Variants in PLCH2 observed in about 807,000 individuals in gnomAD.
The protein encoded by PLCH2 is 1-phosphatidylinositol 4,5-bisphosphate phosphodiesterase eta-2.
Under a neutral mutation model 134.7 loss-of-function variants are expected in PLCH2, and 98 were observed. The observed-to-expected ratio is 0.73, with a 90% CI of 0.62 to 0.86. PLCH2 has a LOEUF of 0.86. PLCH2 is among the 40% of genes least tolerant of loss of function. PLCH2 has a pLI of 0.00. For missense variants in PLCH2, 1,994 were observed against 1,986.6 expected, an observed-to-expected ratio of 1.00 and a Z score of -0.07; for synonymous variants, 974 against 827.5, an observed-to-expected ratio of 1.18 and a Z score of -3.04.
intron 21 of PLCH2, chr1:2,503,160 G>T (rs577928989): frequency 1.6e-4 from 100 of 636,508 alleles, no homozygotes; most frequent in Non-Finnish European, 4.3e-5. Context: ...AGGCTGGGAA[G>T]AACCAGCTGC....
chr1:2,469,581 G>T (rs1362782105), intron 1 of PLCH2, among the ~76,000 whole-genome samples: 1 of 152,118 alleles, frequency 6.6e-6, no homozygotes, highest in Non-Finnish European at 1.5e-5. Context: ...GGGCAGGTGT[G>T]TGTGGGGTGC....
chr1:2,482,743 A>G (rs1642042488), intron 4 of PLCH2, among the ~76,000 whole-genome samples: 1 of 152,148 alleles, frequency 6.6e-6, no homozygotes, highest in Admixed American at 6.5e-5. Flanking sequence ...TGGCCACCCC[A>G]GATCGTGGCC....
intron 2 of PLCH2, among the ~76,000 whole-genome samples, chr1:2,457,703 C>T (rs984166340): frequency 1.4e-4 from 21 of 152,094 alleles, no homozygotes; most frequent in African/African-American, 5.1e-4. Context: ...GTCACAAGTT[C>T]CCCAAAGGCG....
intron 2 of PLCH2, among the ~76,000 whole-genome samples, chr1:2,437,700 G>A (rs375130485): frequency 2.4e-4 from 37 of 152,242 alleles, no homozygotes; most frequent in African/African-American, 7.5e-4. Context: ...ACGCACACAC[G>A]AAGGCACACA....
rs1310054471 is a variant in PLCH2, at chr1:2,505,382, A to G, written c.*169A>G. ...CCCCTGCTCCCGGGGAGGAAAGGCTAAAGCTGCTGGCCCGGGGCCCACAGG... is the reference window on the plus strand; with the variant it reads ...CCCCTGCTCCCGGGGAGGAAAGGCTGAAGCTGCTGGCCCGGGGCCCACAGG... On this transcript the variant is annotated 3_prime_UTR_variant, in exon 22 of 22. Coordinates refer to ENST00000378486, the MANE Select transcript of PLCH2 (RefSeq NM_014638.4). 1 of 600,064 alleles carries G rather than the reference A, an allele frequency of 1.7e-6. No individual in the cohort carries two copies. The highest frequency in any genetic ancestry group is 1.9e-5 in the African/African-American group (1 of 51,824). 37.2% of individuals were successfully genotyped at this position (600,064 alleles called of 1,614,324 possible).
intron 2 of PLCH2, chr1:2,479,011 T>G: frequency 4.6e-6 from 1 of 216,258 alleles, no homozygotes; most frequent in East Asian, 1.0e-4. Context: ...AGGCAGCCAC[T>G]GGGCATGGCT....
intron 2 of PLCH2, among the ~76,000 whole-genome samples, chr1:2,436,495 TCCTCCTCCTTTCCTCCTTCCTC>T (rs1376501039): frequency 1.3e-3 from 28 of 21,752 alleles, no homozygotes; most frequent in South Asian, 2.4e-3. Flanking sequence ...CCCTCCTCCC[TCCTCCTCCTTTCCTCCTTCCTC>T]CCTCCTCCTT....
intron 2 of PLCH2, among the ~76,000 whole-genome samples, chr1:2,459,336 TCC>T: frequency 1.3e-5 from 2 of 152,042 alleles, no homozygotes; most frequent in African/African-American, 4.8e-5. Flanking sequence ...TTCCTGGTGG[TCC>T]TCCTTCCTGG....
chr1:2,503,327 C>T, intron 21 of PLCH2: 1 of 575,432 alleles, frequency 1.7e-6, no homozygotes, highest in East Asian at 3.0e-5. Flanking sequence ...TTCCCACCTC[C>T]CTCTAGGGCA....
At chr1:2,467,180 C>T (rs1641094693), upstream of PLCH2, among the ~76,000 whole-genome samples, 1 of 140,228 alleles carries the variant, frequency 7.1e-6, no homozygotes, top group South Asian at 2.7e-4. Flanking sequence ...GGAGCCCTGC[C>T]GGGAGGGAGG....
rs1435981882 is a variant in PLCH2, at chr1:2,504,370, A to G, written c.3408A>G (p.Pro1136=). ...GSDPLWQRLE[P]CGHRDSVSSS... The stretch of plus-strand genomic sequence containing the variant: ...ACCCGCTGTGGCAGCGGCTGGAGCC[A>G]TGTGGCCACCGAGACAGCGTTTCCT... The change falls in exon 22 of 22, where the codon CCA becomes CCG. Residue 1136 remains proline, a synonymous_variant. Coordinates refer to ENST00000378486, the MANE Select transcript of PLCH2 (RefSeq NM_014638.4). 10 of 1,610,700 alleles carry G rather than the reference A, an allele frequency of 6.2e-6. No individual in the cohort carries two copies. Among genetic ancestry groups the G allele is most frequent in the Non-Finnish European group, 8.5e-6 (10 of 1,179,526 alleles).
chr1:2,455,635 T>A (rs921149733), intron 2 of PLCH2, among the ~76,000 whole-genome samples: 4 of 152,094 alleles, frequency 2.6e-5, no homozygotes, highest in African/African-American at 9.7e-5. Flanking sequence ...CCTGGGGTCC[T>A]GGGGGTCAGG....
upstream of PLCH2, among the ~76,000 whole-genome samples, chr1:2,467,028 G>T (rs1258126808): frequency 1.1e-4 from 17 of 152,280 alleles, no homozygotes; most frequent in African/African-American, 4.1e-4. Flanking sequence ...CTTCCCAGAG[G>T]CCCTCCTGGG....
upstream of PLCH2, among the ~76,000 whole-genome samples, chr1:2,472,090 C>G (rs1641351613): frequency 1.3e-5 from 2 of 152,296 alleles, no homozygotes; most frequent in South Asian, 2.1e-4. Flanking sequence ...TCTGGGATCC[C>G]TGGGCTCCTA....
At position 2,485,213 on chromosome 1, in the gene PLCH2, C is replaced by T. The variant is rs1361005450; in HGVS notation, c.816+595C>T. On this transcript the variant is annotated intron_variant, in intron 5 of 21. Transcript: ENST00000378486. ...CCTGGCCATCCTTAGAGACCAATGCCAAGGCCAAGTGCTGCCCCACTGACC... is the reference window on the plus strand; with the variant it reads ...CCTGGCCATCCTTAGAGACCAATGCTAAGGCCAAGTGCTGCCCCACTGACC... 4.2e-5 allele frequency among the ~76,000 whole-genome samples: 4 copies of T among 96,224 alleles called. No homozygotes were observed. In the Admixed American group the frequency reaches 4.5e-4, roughly 11 times the overall value. The allele number at this position is 96,224 out of a possible 152,430, so 63.1% of individuals were successfully genotyped here.
intron 21 of PLCH2, chr1:2,503,649 G>C (rs963845531): frequency 1.4e-6 from 1 of 696,226 alleles, no homozygotes; most frequent in Non-Finnish European, 2.6e-6. Context: ...GACAGGTAAC[G>C]GGGCCCAGCC....
chr1:2,489,802 G>A lies in PLCH2; in HGVS notation c.1450G>A (p.Gly484Ser). 6.2e-7 allele frequency: 1 copy of A among 1,613,784 alleles called. No individual in the cohort carries two copies. Among genetic ancestry groups the A allele is most frequent in the Non-Finnish European group, 8.5e-7 (1 of 1,179,852 alleles). The part of the protein sequence containing the change: ...PANISEDAEE[G>S]EVSDEDSADE... ...CAACATCAGCGAGGATGCGGAGGAAGGCGAGGTGTCTGATGAGGACAGTGC... is the reference window on the plus strand; with the variant it reads ...CAACATCAGCGAGGATGCGGAGGAAAGCGAGGTGTCTGATGAGGACAGTGC... Residue 484 changes from glycine (G) to serine (S), a missense_variant, in exon 10 of 22, where the codon GGC becomes AGC. Gly to Ser is a moderately conservative substitution (Grantham distance 56). Transcript: ENST00000378486.
upstream of PLCH2, among the ~76,000 whole-genome samples, chr1:2,423,192 G>T (rs1329074883): frequency 6.6e-6 from 1 of 151,616 alleles, no homozygotes; most frequent in Non-Finnish European, 1.5e-5. Flanking sequence ...TTTGTTTGTT[G>T]TTTGTTTGTT....
intron 2 of PLCH2, among the ~76,000 whole-genome samples, chr1:2,452,595 C>T (rs532716279): frequency 2.0e-5 from 3 of 152,226 alleles, no homozygotes; most frequent in Admixed American, 6.5e-5. Flanking sequence ...GCAAATGCAC[C>T]GTTCACTCCA....
Sources: allele counts gnomAD v4.1 joint callset (sites outside exome capture counted in the v4.1 genomes callset), GRCh38; gene constraint gnomAD v4.1.1; transcripts MANE v1.5; gene names NCBI Gene and HGNC (gene_info 2026-07-23, HGNC 2026-07-21).